The following NOS1 variants were observed in gnomAD, a reference collection of about 807,000 sequenced individuals.
NOS1 encodes the protein NOS type I.
A neutral mutation model predicts 164.5 loss-of-function variants in NOS1; 51 were observed. The ratio of observed to expected loss-of-function variants is 0.31; its 90% CI spans 0.25 to 0.39. The LOEUF is 0.39. Ranked by LOEUF, NOS1 falls within the 10% of genes least tolerant of loss-of-function variation. NOS1 has a pLI of 1.00. For missense variants in NOS1, 1,362 were observed against 1,885.6 expected (o/e 0.72, Z 5.14); for synonymous variants, 719 against 745.8 (o/e 0.96, Z 0.59).
chr12:117,314,071 C>T (rs1028652812), intron 2 of NOS1, among the ~76,000 whole-genome samples: 7 of 152,210 alleles, frequency 4.6e-5, no homozygotes, highest in Admixed American at 1.3e-4. Context: ...ACCCCTCCAG[C>T]GGCTCCCTCT....
At chr12:117,258,275 T>A (rs769765459) in intron 16 of NOS1, 122 bp downstream of exon 16, 1 of 977,420 alleles carries the variant, frequency 1.0e-6, no homozygotes, top group Non-Finnish European at 1.6e-6. Flanking sequence ...CTAAGACCCA[T>A]TACAAATGGA....
rs374511365 is a variant in NOS1 at position 117,220,220 on chromosome 12, C to A, written c.4025G>T (p.Arg1342Leu). The change falls in exon 27 of 29, where the codon CGA (arginine) becomes CTA (leucine). Residue 1342 changes from arginine to leucine, a missense_variant. Physicochemically the swap from Arg to Leu is moderately radical, Grantham distance 102. Around this residue, in one of 4 missense-constraint regions of NOS1, gnomAD observed 737 missense variants for 1,030.3 expected, o/e 0.72. Transcript: ENST00000317775. ...GTGGCCCCCTTGCTCCTTCAGGGCT[C>A]GGTACACAGACTCCGCCAGCTGCTC... ...LQEQLAESVY[R>L]ALKEQGGHIY... is the part of the protein sequence containing the mutation. 6.2e-7 allele frequency: 1 copy of A among 1,613,172 alleles called. No individual in the cohort carries two copies. Among genetic ancestry groups the A allele is most frequent in the Non-Finnish European group, 8.5e-7 (1 of 1,179,876 alleles).
chr12:117,220,104 C>A lies in NOS1; in HGVS notation c.4141G>T (p.Asp1381Tyr). The part of the protein sequence containing the change: ...MTQQGKLSAE[D>Y]AGVFISRMRD... ...ATCCGGCTGATGAATACGCCGGCGT[C>A]CTCTGCCGAGAGCTTCCCCTGCTGG... The change falls in exon 27 of 29, where the codon GAC (aspartate) becomes TAC (tyrosine). Residue 1381 changes from aspartate to tyrosine, a missense_variant. Physicochemically the swap from Asp to Tyr is radical, Grantham distance 160. Transcript: ENST00000317775. 1 of 1,612,698 alleles carries A rather than the reference C, an allele frequency of 6.2e-7. No individual in the cohort carries two copies. Among genetic ancestry groups the A allele is most frequent in the Non-Finnish European group, 8.5e-7 (1 of 1,179,380 alleles).
chr12:117,341,618 C>T (rs1876116302), intron 1 of NOS1, among the ~76,000 whole-genome samples: 1 of 152,164 alleles, frequency 6.6e-6, no homozygotes, highest in African/African-American at 2.4e-5. Context: ...TTCAGTGGCA[C>T]AAAAGCACAA....
rs920240506 is a variant in NOS1, at chr12:117,272,191, G to A, written c.1839+194C>T. On this transcript the variant is annotated intron_variant, in intron 10 of 28. Coordinates refer to ENST00000317775, the MANE Select transcript of NOS1 (RefSeq NM_000620.5). This position sits in a 1 kb window ranked among gnomAD's most constrained non-coding sequence, Gnocchi z 4.3. ...TTAGCACGTGCTATGTGCTATGTGCGTGTTTGCTGTTATTTTCATTGTTGT... is the reference window on the plus strand; with the variant it reads ...TTAGCACGTGCTATGTGCTATGTGCATGTTTGCTGTTATTTTCATTGTTGT... Among the ~76,000 whole-genome samples the A allele has an allele frequency of 6.6e-6, 1 of 152,156 alleles. No homozygotes were observed. The highest frequency in any genetic ancestry group is 1.5e-5 in the Non-Finnish European group (1 of 68,036).
intron 2 of NOS1, among the ~76,000 whole-genome samples, chr12:117,323,395 A>T (rs1875082346): frequency 6.6e-6 from 1 of 152,232 alleles, no homozygotes; most frequent in Non-Finnish European, 1.5e-5. Context: ...GATGGCTAGA[A>T]GCCAAGTGCA....
At chr12:117,322,966 T>G (rs568445814) in intron 2 of NOS1, among the ~76,000 whole-genome samples, 1 of 146,668 alleles carries the variant, frequency 6.8e-6, no homozygotes, top group African/African-American at 2.5e-5. Context: ...CAGAGAAGAA[T>G]GGAATGTGGT....
At chr12:117,325,834 G>A (rs918086379) in intron 2 of NOS1, among the ~76,000 whole-genome samples, 5 of 152,204 alleles carry the variant, frequency 3.3e-5, no homozygotes, top group African/African-American at 4.8e-5. Context: ...ATGCTTAGGC[G>A]CAAACATCTG....
intron 10 of NOS1, among the ~76,000 whole-genome samples, chr12:117,268,755 A>G (rs1872600505): frequency 6.7e-6 from 1 of 149,220 alleles, no homozygotes; most frequent in South Asian, 2.1e-4. Context: ...ACGCCGGGCT[A>G]ATTTTTTTTT....
rs1372692403 is a variant in NOS1, at chr12:117,272,713, G to T, written c.1665-154C>A. Among the ~76,000 whole-genome samples the T allele has an allele frequency of 6.6e-6, 1 of 152,190 alleles. No homozygotes were observed. The highest frequency in any genetic ancestry group is 6.5e-5 in the Admixed American group (1 of 15,278). On this transcript the variant is annotated intron_variant, in intron 9 of 28. Transcript: ENST00000317775. This position sits in a 1 kb window ranked among gnomAD's most constrained non-coding sequence, Gnocchi z 4.3. ...CTGCTTCAGATCTGTGGAATTGCAGGTTCTGCAGCTGGGGGCCTGAGAATG... is the reference window on the plus strand; with the variant it reads ...CTGCTTCAGATCTGTGGAATTGCAGTTTCTGCAGCTGGGGGCCTGAGAATG...
At chr12:117,323,585 T>C (rs1003472631) in intron 2 of NOS1, among the ~76,000 whole-genome samples, 4 of 152,118 alleles carry the variant, frequency 2.6e-5, no homozygotes, top group African/African-American at 4.8e-5. Context: ...TTAATTGACA[T>C]AGAGACTGTA....
rs528304294 is a variant in NOS1, at chr12:117,274,867, T to C, written c.1665-2308A>G. On this transcript the variant is annotated intron_variant, in intron 9 of 28. Coordinates refer to ENST00000317775, the MANE Select transcript of NOS1 (RefSeq NM_000620.5). ...AGCACTATTCACAGTAGCCAAGATA[T>C]GGAATCAACCTAGGTGTCTAACAAC... Among the ~76,000 whole-genome samples the C allele has an allele frequency of 7.3e-5, 11 of 150,990 alleles. No individual in the cohort carries two copies. In the East Asian group the frequency reaches 1.9e-3, roughly 27 times the overall value.
chr12:117,275,075 C>T (rs181270733), intron 9 of NOS1, among the ~76,000 whole-genome samples: 70 of 151,828 alleles, frequency 4.6e-4, no homozygotes, highest in African/African-American at 1.7e-3. Context: ...GGATAAATAC[C>T]CCATTCTCCA....
At chr12:117,345,381 C>G (rs548465222) in intron 1 of NOS1, among the ~76,000 whole-genome samples, 7 of 152,232 alleles carry the variant, frequency 4.6e-5, no homozygotes, top group Non-Finnish European at 7.4e-5. Context: ...TATTGCCCAA[C>G]AGTCAAATAT....
At position 117,242,722 on chromosome 12, in the gene NOS1, AAC is replaced by A; in HGVS notation, c.2963-19_2963-18del. The A allele has an allele frequency of 1.9e-6, 3 of 1,611,856 alleles. No individual in the cohort carries two copies. Among genetic ancestry groups the A allele is most frequent in the Admixed American group, 1.7e-5 (1 of 60,008 alleles). ...TGGATAGACCTGTGGGGAGAAAAACAACAGTCTTCCTGAGAAGGGGTTGAATG... is the reference window on the plus strand; with the variant it reads ...TGGATAGACCTGTGGGGAGAAAAACAAGTCTTCCTGAGAAGGGGTTGAATG... On this transcript the variant is annotated intron_variant, in intron 19 of 28. Transcript: ENST00000317775.
intron 3 of NOS1, 58 bp from the exon 4 acceptor site, chr12:117,290,484 G>A: frequency 6.4e-7 from 1 of 1,556,394 alleles, no homozygotes; most frequent in Middle Eastern, 2.3e-4. Context: ...CTGTAACATT[G>A]TCTCCACAGA....
At chr12:117,262,161 G>T (rs1217403110) in intron 13 of NOS1, among the ~76,000 whole-genome samples, 1 of 152,168 alleles carries the variant, frequency 6.6e-6, no homozygotes, top group Non-Finnish European at 1.5e-5. Flanking sequence ...AAAGGTACCT[G>T]GAGGGTTCCC....
chr12:117,253,400 T>C (rs554698013), intron 17 of NOS1, among the ~76,000 whole-genome samples: 52 of 152,146 alleles, frequency 3.4e-4, no homozygotes, highest in African/African-American at 1.2e-3. Flanking sequence ...GTAATGGGGC[T>C]CTGAGGGAGT....
chr12:117,311,364 GAC>G, intron 3 of NOS1, 100 bp downstream of exon 3: 1 of 1,352,614 alleles, frequency 7.4e-7, no homozygotes, highest in Non-Finnish European at 9.8e-7. Context: ...TTTCCATCAT[GAC>G]ACAGTTTAGG....
Sources: gnomAD v4.1 joint callset for allele counts (sites outside exome capture counted in the v4.1 genomes callset) on GRCh38, gnomAD v4.1.1 for gene constraint, gnomAD v4.1.1 regional missense constraint, Gnocchi (gnomAD v3.1) non-coding constraint, MANE v1.5 for transcripts, NCBI Gene and HGNC (gene_info 2026-07-23, HGNC 2026-07-21) for gene names.